Variants in SRFBP1 observed in about 807,000 individuals in gnomAD.
SRFBP1 encodes the protein serum response factor-binding protein 1.
In SRFBP1, 47 loss-of-function variants were observed where a neutral mutation model predicts 45.5. The ratio of observed to expected loss-of-function variants is 1.03; its 90% CI spans 0.82 to 1.32. SRFBP1 has a LOEUF of 1.32. Ranked by LOEUF, SRFBP1 falls within the 40% of genes most tolerant of loss-of-function variation. The pLI is 0.00. For synonymous variants in SRFBP1, 203 were observed against 166.3 expected, an observed-to-expected ratio of 1.22 and a Z score of -1.70; for missense variants, 621 against 484.6, an observed-to-expected ratio of 1.28 and a Z score of -2.64.
At chr5:121,970,099 T>G (rs908860440) in intron 1 of SRFBP1, among the ~76,000 whole-genome samples, 2 of 152,132 alleles carry the variant, frequency 1.3e-5, no homozygotes, top group African/African-American at 4.8e-5. Context: ...TTACAATTCC[T>G]GGGTGACAAA....
At position 121,962,051 on chromosome 5, in the gene SRFBP1, C is replaced by G. The variant is rs1464559952; in HGVS notation, c.19C>G (p.Leu7Val). MAQPGTLNLNNEVVKMR... is the reference protein window; with the variant it reads MAQPGTVNLNNEVVKMR... Reference sequence around the variant, plus strand: ...ATCTACCATGGCTCAGCCGGGAACTCTGAACCTCAATAACGAGGTGAGCGC... The same window carrying G: ...ATCTACCATGGCTCAGCCGGGAACTGTGAACCTCAATAACGAGGTGAGCGC... The change falls in exon 1 of 8, where the codon CTG (leucine) becomes GTG (valine). Residue 7 changes from leucine (L) to valine (V), a missense_variant. Coordinates refer to ENST00000339397, the MANE Select transcript of SRFBP1 (RefSeq NM_152546.3). The G allele has an allele frequency of 1.9e-6, 3 of 1,614,138 alleles. No homozygotes were observed. The highest frequency in any genetic ancestry group is 2.5e-6 in the Non-Finnish European group (3 of 1,180,042).
chr5:122,047,823 T>A (rs1753893151), intron 2 of SRFBP1, among the ~76,000 whole-genome samples: 1 of 152,132 alleles, frequency 6.6e-6, no homozygotes, highest in Non-Finnish European at 1.5e-5. Flanking sequence ...TGAATGGGAG[T>A]TCACTCATGA....
At chr5:122,029,554 A>C (rs1263242824), downstream of SRFBP1, among the ~76,000 whole-genome samples, 1 of 151,316 alleles carries the variant, frequency 6.6e-6, no homozygotes, top group Admixed American at 6.6e-5. Context: ...ATTTTGCCTC[A>C]CAAATTCTAA....
At chr5:121,995,930 C>A (rs1752717339) in intron 4 of SRFBP1, among the ~76,000 whole-genome samples, 1 of 152,114 alleles carries the variant, frequency 6.6e-6, no homozygotes, top group South Asian at 2.1e-4. Context: ...GGATAAATTC[C>A]TCGACACATA....
chr5:121,997,995 T>A (rs947968939), intron 4 of SRFBP1, among the ~76,000 whole-genome samples: 9 of 151,476 alleles, frequency 5.9e-5, no homozygotes, highest in Admixed American at 3.3e-4. Context: ...AGAATGGCAA[T>A]CATTAAAAAG....
At chr5:122,038,921 G>A (rs1753732026) in intron 2 of SRFBP1, among the ~76,000 whole-genome samples, 3 of 152,044 alleles carry the variant, frequency 2.0e-5, no homozygotes, top group Non-Finnish European at 4.4e-5. Context: ...AAAACCCCAA[G>A]GAGGGTACAC....
intron 7 of SRFBP1, 94 bp from the exon 8 acceptor site, chr5:122,026,848 C>CT (rs1753491322): frequency 2.3e-6 from 2 of 886,156 alleles, no homozygotes; most frequent in South Asian, 3.0e-5. Context: ...AACAAAATTT[C>CT]TTTTTTTAAC....
At chr5:122,010,497 C>T (rs1049826599) in intron 4 of SRFBP1, among the ~76,000 whole-genome samples, 2 of 152,108 alleles carry the variant, frequency 1.3e-5, no homozygotes, top group Non-Finnish European at 1.5e-5. Context: ...GGAAATAGAG[C>T]AGTGATTATG....
rs1471393581 is a variant in SRFBP1 at position 122,025,957 on chromosome 5, G to T, written c.1106-985G>T. On this transcript the variant is annotated intron_variant, in intron 7 of 7. Transcript: ENST00000339397. ...ATACATAAATTAGCCAGGCATAGTG[G>T]CACATGCCTGTAATCCCAGCTACTT... is the stretch of plus-strand genomic sequence containing the variant. 2.0e-5 allele frequency among the ~76,000 whole-genome samples: 3 copies of T among 152,104 alleles called. No homozygotes were observed. In the East Asian group the frequency reaches 5.8e-4, roughly 29 times the overall value.
intron 4 of SRFBP1, among the ~76,000 whole-genome samples, chr5:121,997,550 A>T (rs1381829698): frequency 2.6e-5 from 4 of 151,588 alleles, no homozygotes; most frequent in African/African-American, 9.7e-5. Flanking sequence ...TAGACCTAAA[A>T]CCATAAAAAC....
chr5:121,988,313 G>C (rs1230312266), intron 3 of SRFBP1, among the ~76,000 whole-genome samples: 1 of 152,122 alleles, frequency 6.6e-6, no homozygotes, highest in Non-Finnish European at 1.5e-5. Flanking sequence ...TATAAAATGA[G>C]TGGGTCAGGA....
intron 1 of SRFBP1, among the ~76,000 whole-genome samples, chr5:121,962,354 C>G (rs2112806332): frequency 6.6e-6 from 1 of 152,306 alleles, no homozygotes; most frequent in Non-Finnish European, 1.5e-5. Context: ...AAGCGGAACT[C>G]AAGATAGTTC....
At chr5:122,050,540 T>C (rs190774971) in intron 2 of SRFBP1, among the ~76,000 whole-genome samples, 26 of 152,256 alleles carry the variant, frequency 1.7e-4, no homozygotes, top group African/African-American at 6.3e-4. Context: ...GAAGTGTTCA[T>C]AGTAGTCTCT....
chr5:122,066,510 T>A (rs925036509), intron 2 of SRFBP1: 9 of 448,574 alleles, frequency 2.0e-5, no homozygotes, highest in Non-Finnish European at 3.2e-5. Context: ...AAACACTGTG[T>A]TAATTCACAA....
intron 3 of SRFBP1, among the ~76,000 whole-genome samples, chr5:121,977,058 T>C (rs1200049679): frequency 6.6e-6 from 1 of 152,028 alleles, no homozygotes; most frequent in Non-Finnish European, 1.5e-5. Flanking sequence ...TTGATCTAAA[T>C]GTAAAGCCTG....
rs777748534 is a variant in SRFBP1, at chr5:122,070,622, T to C, written n.312-4693T>C. 15 of 1,154,902 alleles carry C rather than the reference T, an allele frequency of 1.3e-5. No individual in the cohort carries two copies. The South Asian group carries it at 2.0e-4, about 15-fold the overall frequency. 71.5% of individuals were successfully genotyped at this position (1,154,902 alleles called of 1,614,324 possible). A position where few individuals can be genotyped will look rare whatever the true frequency, so the allele number is the denominator to read the frequency against. On this transcript the variant is annotated intron_variant and non_coding_transcript_variant, in intron 2 of 2. Transcript: ENST00000504881. ...AAACAAAATAAAAAATTTAAAATTA[T>C]GGTATGTGGTCAGACTATGATAAAT...
intron 2 of SRFBP1, among the ~76,000 whole-genome samples, chr5:122,041,476 A>C (rs1277840033): frequency 6.6e-6 from 1 of 152,058 alleles, no homozygotes; most frequent in Admixed American, 6.6e-5. Flanking sequence ...CATATGTTAA[A>C]GGAATTAGCC....
At chr5:122,000,565 C>G (rs148264154) in intron 4 of SRFBP1, among the ~76,000 whole-genome samples, 1 of 152,052 alleles carries the variant, frequency 6.6e-6, no homozygotes, top group East Asian at 1.9e-4. Flanking sequence ...GTATAGAATT[C>G]TGTGTTGATA....
At chr5:122,033,971 A>G (rs1228019307) in intron 2 of SRFBP1, among the ~76,000 whole-genome samples, 1 of 149,348 alleles carries the variant, frequency 6.7e-6, no homozygotes, top group African/African-American at 2.5e-5. Context: ...TTACAGGCAC[A>G]CGCCACCACG....
Sources: gnomAD v4.1 joint callset for allele counts (sites outside exome capture counted in the v4.1 genomes callset) on GRCh38, gnomAD v4.1.1 for gene constraint, MANE v1.5 for transcripts, NCBI Gene and HGNC (gene_info 2026-07-23, HGNC 2026-07-21) for gene names.